Variants in OXCT1 observed in about 807,000 individuals in gnomAD.
OXCT1 encodes 3-oxoacid CoA-transferase 1, also known as succinyl-CoA:3-ketoacid coenzyme A transferase 1, mitochondrial.
OXCT1 carries 27 observed loss-of-function variants against 69.6 expected under a neutral mutation model. The observed-to-expected ratio is 0.39, with a 90% CI of 0.29 to 0.54. OXCT1 has a LOEUF of 0.54. Ranked by LOEUF, OXCT1 falls within the 20% of genes least tolerant of loss-of-function variation. OXCT1 has a pLI of 0.72. For missense variants in OXCT1, 437 were observed against 650.2 expected (o/e 0.67, Z 3.57); for synonymous variants, 202 against 217.8 (o/e 0.93, Z 0.64).
chr5:41,816,449 C>G (rs898616360), intron 7 of OXCT1, among the ~76,000 whole-genome samples: 1 of 152,142 alleles, frequency 6.6e-6, no homozygotes, highest in East Asian at 1.9e-4. Flanking sequence ...TAGGGAGATG[C>G]ACAATCAGTT....
intron 11 of OXCT1, among the ~76,000 whole-genome samples, chr5:41,796,143 C>T (rs1746171478): frequency 6.6e-6 from 1 of 152,156 alleles, no homozygotes; most frequent in Non-Finnish European, 1.5e-5. Context: ...CCAAGACTTA[C>T]ATCTCATAAT....
chr5:41,751,710 T>C (rs532536477), intron 14 of OXCT1, among the ~76,000 whole-genome samples: 1 of 152,272 alleles, frequency 6.6e-6, no homozygotes, highest in South Asian at 2.1e-4. Context: ...AGTTCCTATA[T>C]GAAGTCTGAC....
At chr5:41,851,437 C>G (rs775837568) in intron 4 of OXCT1, among the ~76,000 whole-genome samples, 1 of 152,164 alleles carries the variant, frequency 6.6e-6, no homozygotes. Context: ...CATAACACTA[C>G]CCCTTGCCTT....
At position 41,731,741 on chromosome 5, in the gene OXCT1, C is replaced by CA; in HGVS notation, c.1550_1551insT (p.Gln517HisfsTer19). ...AAATATCCATATTTCAATTTGCGATCTGCTGCATTGGCATGAGTTTTGGTG... is the reference window on the plus strand; with the variant it reads ...AAATATCCATATTTCAATTTGCGATCATGCTGCATTGGCATGAGTTTTGGTG... On this transcript the variant is annotated frameshift_variant, in exon 17 of 17. Transcript: ENST00000196371. LOFTEE classifies it high-confidence loss of function. 1 of 1,609,640 alleles carries CA rather than the reference C, an allele frequency of 6.2e-7. No homozygotes were observed. Among genetic ancestry groups the CA allele is most frequent in the Non-Finnish European group, 8.5e-7 (1 of 1,177,840 alleles).
In OXCT1 at chr5:41,862,634, G is replaced by A. The variant is rs1247606360; in HGVS notation, c.187+8C>T. On this transcript the variant is annotated splice_region_variant and intron_variant, in intron 2 of 16. Coordinates refer to ENST00000196371, the MANE Select transcript of OXCT1 (RefSeq NM_000436.4). ...TTACCATAACATGAAAACAGTGTTA[G>A]TACTCACCACCAACCAAAACCGTGG... is the stretch of plus-strand genomic sequence containing the variant. The A allele has an allele frequency of 1.4e-6, 2 of 1,476,786 alleles. No individual in the cohort carries two copies. The highest frequency in any genetic ancestry group is 9.5e-7 in the Non-Finnish European group (1 of 1,054,798). The allele number at this position is 1,476,786 out of a possible 1,614,324, so 91.5% of individuals were successfully genotyped here. A position where few individuals can be genotyped will look rare whatever the true frequency, so the allele number is the denominator to read the frequency against.
intron 13 of OXCT1, among the ~76,000 whole-genome samples, chr5:41,790,075 A>G (rs765961465): frequency 2.6e-5 from 4 of 151,990 alleles, no homozygotes; most frequent in Non-Finnish European, 5.9e-5. Context: ...AAAAACACCA[A>G]AAGTGTCCCA....
chr5:41,862,322 A>C (rs1288246373), intron 2 of OXCT1, among the ~76,000 whole-genome samples: 1 of 152,174 alleles, frequency 6.6e-6, no homozygotes, highest in Non-Finnish European at 1.5e-5. Flanking sequence ...TTAAGTTAAA[A>C]AATTGGGATC....
At position 41,805,681 on chromosome 5, in the gene OXCT1, G is replaced by A. The variant is rs1014048269; in HGVS notation, c.841C>T (p.Arg281Cys). The A allele has an allele frequency of 3.2e-6, 5 of 1,570,298 alleles. No individual in the cohort carries two copies. The highest frequency in any genetic ancestry group is 2.2e-5 in the East Asian group (1 of 44,588). ...KGEKYEKRIE[R>C]LSIRKEGDGE... ...TCTCCCTCTTTCCGGATTGATAAAC[G>A]CTTTAAATTAAACAGAAATAAATTA... Residue 281 changes from arginine (R) to cysteine (C), a missense_variant and splice_region_variant, in exon 9 of 17, where the codon CGT (arginine) becomes TGT (cysteine). By Grantham distance (180) the Arg-to-Cys change is radical (BLOSUM62 -3). Transcript: ENST00000196371.
At chr5:41,751,001 T>A (rs1743754409) in intron 14 of OXCT1, among the ~76,000 whole-genome samples, 2 of 152,152 alleles carry the variant, frequency 1.3e-5, no homozygotes, top group South Asian at 4.1e-4. Context: ...TTAAAACAAT[T>A]CATATGTTTC....
intron 5 of OXCT1, chr5:41,843,697 C>T (rs188619894): frequency 4.8e-5 from 19 of 397,852 alleles, no homozygotes; most frequent in Admixed American, 4.4e-4. Flanking sequence ...ATCCCTACCG[C>T]ACCCCCTAGT....
intron 3 of OXCT1, among the ~76,000 whole-genome samples, chr5:41,856,712 A>G (rs1749445159): frequency 6.6e-6 from 1 of 152,234 alleles, no homozygotes; most frequent in African/African-American, 2.4e-5. Flanking sequence ...GGTAGAAAAG[A>G]AATAGCTGCA....
intron 13 of OXCT1, among the ~76,000 whole-genome samples, chr5:41,786,208 A>AG (rs1429206236): frequency 1.3e-5 from 2 of 152,162 alleles, no homozygotes; most frequent in African/African-American, 2.4e-5. Context: ...GGAACCAAGA[A>AG]GGGGGTCTCT....
chr5:41,792,497 T>C (rs1745970577), intron 13 of OXCT1, among the ~76,000 whole-genome samples: 1 of 152,182 alleles, frequency 6.6e-6, no homozygotes, highest in Non-Finnish European at 1.5e-5. Context: ...AACCCAGGGC[T>C]TGCTTTCCTA....
chr5:41,808,459 T>C (rs1746795708), intron 7 of OXCT1, among the ~76,000 whole-genome samples: 1 of 152,116 alleles, frequency 6.6e-6, no homozygotes, highest in African/African-American at 2.4e-5. Flanking sequence ...ACTAGGCTCC[T>C]CCTACAGTGC....
intron 13 of OXCT1, among the ~76,000 whole-genome samples, chr5:41,788,627 G>A (rs959014848): frequency 6.6e-6 from 1 of 152,078 alleles, no homozygotes; most frequent in South Asian, 2.1e-4. Flanking sequence ...GTGTATAAAT[G>A]CAAGTAGTAA....
intron 13 of OXCT1, among the ~76,000 whole-genome samples, chr5:41,771,176 C>A (rs1322857338): frequency 6.6e-6 from 1 of 152,110 alleles, no homozygotes. Context: ...ATTAATTACA[C>A]CAATTTCTCT....
chr5:41,755,108 T>C (rs1743995180), intron 14 of OXCT1, among the ~76,000 whole-genome samples: 1 of 152,112 alleles, frequency 6.6e-6, no homozygotes, highest in African/African-American at 2.4e-5. Context: ...ACTGTTGTGG[T>C]ACCTTAGAAA....
chr5:41,854,987 T>C (rs1480104738), intron 3 of OXCT1, among the ~76,000 whole-genome samples: 1 of 152,198 alleles, frequency 6.6e-6, no homozygotes, highest in Non-Finnish European at 1.5e-5. Flanking sequence ...AGAAAATTCA[T>C]AGCAGCACTG....
At chr5:41,734,822 T>C (rs1394543500) in intron 16 of OXCT1, among the ~76,000 whole-genome samples, 1 of 152,202 alleles carries the variant, frequency 6.6e-6, no homozygotes, top group African/African-American at 2.4e-5. Flanking sequence ...AAAAATCATC[T>C]GATAAGAGAT....
Sources: allele counts gnomAD v4.1 joint callset (sites outside exome capture counted in the v4.1 genomes callset), GRCh38; gene constraint gnomAD v4.1.1; transcripts MANE v1.5; gene names NCBI Gene and HGNC (gene_info 2026-07-23, HGNC 2026-07-21).